MRTO4: variants seen among roughly 807,000 people sequenced by gnomAD.
MRTO4 encodes the protein mRNA turnover protein 4 homolog.
A neutral mutation model predicts 28.6 loss-of-function variants in MRTO4; 7 were observed. The ratio of observed to expected loss-of-function variants is 0.24; its 90% confidence interval spans 0.14 to 0.46. The LOEUF is 0.46. Ranked by LOEUF, MRTO4 falls within the 20% of genes least tolerant of loss-of-function variation. MRTO4 has a pLI of 0.99. For missense variants in MRTO4, 302 were observed against 298.3 expected, an observed-to-expected ratio of 1.01 and a Z score of -0.09; for synonymous variants, 113 against 108.2, an observed-to-expected ratio of 1.04 and a Z score of -0.27.
At chr1:19,257,427 C>G (rs773456188) in intron 4 of MRTO4, 27 bp from the exon 5 acceptor site, 1 of 1,613,664 alleles carries the variant, frequency 6.2e-7, no homozygotes, top group South Asian at 1.1e-5. Flanking sequence ...CTAATGTGAC[C>G]AAGCTGTCCT....
In MRTO4 at chr1:19,254,761, TCTC is replaced by T. The variant is rs1558121538; in HGVS notation, c.29-18_29-16del. On this transcript the variant is annotated intron_variant, in intron 1 of 7. Transcript: ENST00000330263. Reference sequence around the variant, plus strand: ...ATTTAGATTGGTCTCTCATCATCTCTCTCCTTTTTGTTTTTATTAGTCTCCTTA... The same window carrying T: ...ATTTAGATTGGTCTCTCATCATCTCTCTTTTTGTTTTTATTAGTCTCCTTA... The T allele has an allele frequency of 5.6e-6, 9 of 1,597,682 alleles. No individual in the cohort carries two copies. The highest frequency in any genetic ancestry group is 6.9e-6 in the Non-Finnish European group (8 of 1,165,316).
In MRTO4 at chr1:19,257,924, T is replaced by C. The variant is rs759235950; in HGVS notation, c.433T>C (p.Phe145Leu). The change falls in exon 6 of 8, where the codon TTC becomes CTC. Residue 145 changes from phenylalanine (F) to leucine (L), a missense_variant. Physicochemically the swap from Phe to Leu is conservative, Grantham distance 22. Coordinates refer to ENST00000330263, the MANE Select transcript of MRTO4 (RefSeq NM_016183.4). ...VSLDPGPLEQ[F>L]PHSMEPQLRQ... ...CCTGGATCCAGGGCCCCTGGAGCAG[T>C]TCCCCCACTCCATGGAGCCACAGCT... is the stretch of plus-strand genomic sequence containing the variant. The C allele has an allele frequency of 2.5e-6, 4 of 1,614,042 alleles. No individual in the cohort carries two copies. The highest frequency in any genetic ancestry group is 1.1e-5 in the South Asian group (1 of 91,084).
intron 1 of MRTO4, among the ~76,000 whole-genome samples, chr1:19,254,501 A>C (rs567796227): frequency 6.6e-6 from 1 of 152,252 alleles, no homozygotes; most frequent in East Asian, 1.9e-4. Context: ...ACTGCAATCA[A>C]GTTTTTTGGG....
intron 5 of MRTO4, 70 bp downstream of exon 5, chr1:19,257,591 A>C: frequency 6.3e-7 from 1 of 1,575,316 alleles, no homozygotes; most frequent in East Asian, 2.2e-5. Flanking sequence ...ATGATGCAGG[A>C]ACTTCGTTCC....
rs2093677074 is a variant in MRTO4 at position 19,259,452 on chromosome 1, C to G, written c.*622C>G. The G allele has an allele frequency of 6.6e-6, 1 of 152,252 alleles. No individual in the cohort carries two copies. The highest frequency in any genetic ancestry group is 1.5e-5 in the Non-Finnish European group (1 of 68,136). 9.4% of individuals were successfully genotyped at this position (152,252 alleles called of 1,614,324 possible). On this transcript the variant is annotated 3_prime_UTR_variant, in exon 8 of 8. Transcript: ENST00000330263. ...AAAAAATTAGTCGTGGTGCCACTTG[C>G]CTGTGGTCCCCACTGCTTGGGAGGC...
intron 1 of MRTO4, among the ~76,000 whole-genome samples, chr1:19,254,232 C>T (rs2093668281): frequency 6.6e-6 from 1 of 152,158 alleles, no homozygotes; most frequent in Admixed American, 6.5e-5. Flanking sequence ...CTCACCTGGG[C>T]ATGGTGGTGC....
At chr1:19,258,626 T>C in intron 7 of MRTO4, 55 bp from the exon 8 acceptor site, 1 of 1,614,082 alleles carries the variant, frequency 6.2e-7, no homozygotes, top group Non-Finnish European at 8.5e-7. Context: ...AATGCCCCCC[T>C]GCACTTTGAA....
intron 2 of MRTO4, among the ~76,000 whole-genome samples, chr1:19,255,657 T>C (rs2093670418): frequency 6.6e-6 from 1 of 152,186 alleles, no homozygotes; most frequent in Non-Finnish European, 1.5e-5. Context: ...CCCTTCCTAA[T>C]GTGGGTGAAT....
intron 1 of MRTO4, 102 bp from the exon 2 acceptor site, chr1:19,254,680 C>A: frequency 1.0e-6 from 1 of 960,582 alleles, no homozygotes; most frequent in Non-Finnish European, 1.7e-6. Context: ...TTCAGAATGG[C>A]TGCATCCAGC....
At chr1:19,256,497 C>CAA (rs145133179) in intron 3 of MRTO4, among the ~76,000 whole-genome samples, 24,786 of 152,174 alleles carry the variant, frequency 0.16, 3,165 homozygotes, top group African/African-American at 0.36. Flanking sequence ...GCCTGGGTGA[C>CAA]AGAGTGAAAC....
In MRTO4 at chr1:19,257,086, GTGA is replaced by G; in HGVS notation, c.220_222del (p.Met74del). The G allele has an allele frequency of 6.2e-7, 1 of 1,614,154 alleles. No homozygotes were observed. ...TAGGATGTTCTTTGGCAAAAACAAGGTGATGATGGTGGCCTTGGGTCGGAGCCC... is the reference window on the plus strand; with the variant it reads ...TAGGATGTTCTTTGGCAAAAACAAGGTGATGGTGGCCTTGGGTCGGAGCCC... On this transcript the variant is annotated inframe_deletion, in exon 4 of 8. Coordinates refer to ENST00000330263, the MANE Select transcript of MRTO4 (RefSeq NM_016183.4).
intron 3 of MRTO4, 65 bp from the exon 4 acceptor site, chr1:19,256,999 T>G: frequency 1.3e-6 from 2 of 1,513,656 alleles, no homozygotes; most frequent in Non-Finnish European, 1.8e-6. Context: ...CTACTTTGCA[T>G]GTTGCTGAGG....
At chr1:19,257,331 C>T (rs1569600127) in intron 4 of MRTO4, 123 bp from the exon 5 acceptor site, 2 of 1,275,768 alleles carry the variant, frequency 1.6e-6, no homozygotes, top group Non-Finnish European at 2.3e-6. Context: ...CCTCCCACTC[C>T]TTCCTGCTAT....
At chr1:19,253,411 A>G (rs374597199) in intron 1 of MRTO4, among the ~76,000 whole-genome samples, 2 of 152,198 alleles carry the variant, frequency 1.3e-5, no homozygotes, top group Admixed American at 6.6e-5. Context: ...GGAGGGAGTT[A>G]GGCAGAGAGG....
At position 19,256,064 on chromosome 1, in the gene MRTO4, G is replaced by A. The variant is rs774133976; in HGVS notation, c.191+13G>A. ...GGAAGCACAGCCGGTGAGCGGGCAG[G>A]GGGAGGAAGGCCCTTCTGAGTGGGG... On this transcript the variant is annotated intron_variant, in intron 3 of 7. Coordinates refer to ENST00000330263, the MANE Select transcript of MRTO4 (RefSeq NM_016183.4). 1 of 1,612,564 alleles carries A rather than the reference G, an allele frequency of 6.2e-7. No individual in the cohort carries two copies. The highest frequency in any genetic ancestry group is 8.5e-7 in the Non-Finnish European group (1 of 1,178,706).
chr1:19,255,303 G>A (rs1404901243), intron 2 of MRTO4, among the ~76,000 whole-genome samples: 1 of 151,834 alleles, frequency 6.6e-6, no homozygotes, highest in Non-Finnish European at 1.5e-5. Context: ...AGAGCAGCCT[G>A]GGCAACATGA....
intron 1 of MRTO4, among the ~76,000 whole-genome samples, chr1:19,252,732 C>T (rs925084960): frequency 6.6e-6 from 1 of 152,200 alleles, no homozygotes; most frequent in Non-Finnish European, 1.5e-5. Flanking sequence ...GTCACTGCAG[C>T]CTTGACCTCC....
At position 19,258,944 on chromosome 1, in the gene MRTO4, T is replaced by G. The variant is rs2093675983; in HGVS notation, c.*114T>G. The stretch of plus-strand genomic sequence containing the variant: ...TTTATTTGTCTGTAGACAGGGAACA[T>G]GATGGGCACTGACCTCCTGTAAAGA... On this transcript the variant is annotated 3_prime_UTR_variant, in exon 8 of 8. Coordinates refer to ENST00000330263, the MANE Select transcript of MRTO4 (RefSeq NM_016183.4). The G allele has an allele frequency of 4.0e-6, 5 of 1,235,714 alleles. No homozygotes were observed. Among genetic ancestry groups the G allele is most frequent in the Admixed American group, 2.8e-5 (1 of 35,762 alleles). 76.5% of individuals were successfully genotyped at this position (1,235,714 alleles called of 1,614,324 possible).
rs1398251265 is a variant in MRTO4, at chr1:19,258,804, G to C, written c.694G>C (p.Glu232Gln). ...AGAGAGCGCATCTGAGTCCACAGAA[G>C]AGTCAGACTCAGAAGATGATGACTG... is the stretch of plus-strand genomic sequence containing the variant. ...LPESASESTEESDSEDDD is the reference protein window; with the variant it reads ...LPESASESTEQSDSEDDD The change falls in exon 8 of 8, where the codon GAG becomes CAG. Residue 232 changes from glutamate (E) to glutamine (Q), a missense_variant. Glu to Gln is a conservative substitution (Grantham distance 29). Coordinates refer to ENST00000330263, the MANE Select transcript of MRTO4 (RefSeq NM_016183.4). 5 of 1,614,070 alleles carry C rather than the reference G, an allele frequency of 3.1e-6. 1 individual carries two copies. The South Asian group carries it at 4.4e-5, about 14-fold the overall frequency.
Sources: allele counts gnomAD v4.1 joint callset (sites outside exome capture counted in the v4.1 genomes callset), GRCh38; gene constraint gnomAD v4.1.1; transcripts MANE v1.5; gene names NCBI Gene and HGNC (gene_info 2026-07-23, HGNC 2026-07-21).